Variants in ALG14 observed in about 807,000 individuals in gnomAD.
The protein encoded by ALG14 is UDP-N-acetylglucosamine transferase subunit ALG14.
A neutral mutation model predicts 22.8 loss-of-function variants in ALG14; 17 were observed. The observed-to-expected ratio is 0.75, with a 90% CI of 0.51 to 1.12. The LOEUF (loss-of-function observed/expected upper bound fraction) is 1.12. ALG14 is among the 50% of genes most tolerant of loss of function. The pLI, the probability that ALG14 is intolerant of heterozygous loss-of-function variation, is 0.00. For synonymous variants in ALG14, 89 were observed against 103.7 expected (o/e 0.86, Z 0.86); for missense variants, 288 against 271.8 (o/e 1.06, Z -0.42).
intron 2 of ALG14, among the ~76,000 whole-genome samples, chr1:95,054,829 G>A (rs1674876261): frequency 6.6e-6 from 1 of 152,158 alleles, no homozygotes; most frequent in African/African-American, 2.4e-5. Flanking sequence ...TGAGAGTACT[G>A]TAACCTTGAT....
In ALG14 at chr1:95,065,114, G is replaced by A. The variant is rs72720257; in HGVS notation, c.137-97C>T. ...AATATCATGGTTTCAGGTTGGGGGT[G>A]GGGGGGCACTGTAATTGTATATTTC... On this transcript the variant is annotated intron_variant, in intron 1 of 3. Transcript: ENST00000370205. 0.036 allele frequency: 37,618 copies of A among 1,051,372 alleles called. 918 individuals are homozygous for A. Among genetic ancestry groups the A allele is most frequent in the Middle Eastern group, 0.08 (376 of 4,690 alleles). 65.1% of individuals were successfully genotyped at this position (1,051,372 alleles called of 1,614,324 possible).
intron 3 of ALG14, among the ~76,000 whole-genome samples, chr1:94,984,315 G>C (rs4847374): frequency 0.045 from 6,776 of 152,212 alleles, 194 homozygotes; most frequent in Middle Eastern, 0.088. Flanking sequence ...GAGAATCTTA[G>C]AGTTGGAAAG....
chr1:95,065,356 A>T (rs1355226892), intron 1 of ALG14, among the ~76,000 whole-genome samples: 1 of 152,224 alleles, frequency 6.6e-6, no homozygotes, highest in African/African-American at 2.4e-5. Flanking sequence ...AAGATGCAAG[A>T]CAGTAAGAAA....
chr1:95,048,768 T>C (rs1229120143), intron 2 of ALG14, among the ~76,000 whole-genome samples: 1 of 152,148 alleles, frequency 6.6e-6, no homozygotes, highest in Non-Finnish European at 1.5e-5. Flanking sequence ...TTTTTTTTCA[T>C]ATAAGTAATT....
chr1:95,049,338 G>C (rs1192161694), intron 2 of ALG14, among the ~76,000 whole-genome samples: 1 of 152,126 alleles, frequency 6.6e-6, no homozygotes. Flanking sequence ...TTCGCGACCA[G>C]TCTGGGCCAC....
intron 2 of ALG14, among the ~76,000 whole-genome samples, chr1:95,032,702 T>C (rs903707739): frequency 6.6e-6 from 1 of 152,136 alleles, no homozygotes; most frequent in East Asian, 1.9e-4. Context: ...TTTTCTATGA[T>C]ACCTGCTATG....
chr1:95,057,278 T>C (rs1158688276), intron 2 of ALG14, among the ~76,000 whole-genome samples: 2 of 151,840 alleles, frequency 1.3e-5, no homozygotes, highest in Non-Finnish European at 2.9e-5. Flanking sequence ...TCCAGATCTA[T>C]GGGTTCTGCA....
At chr1:94,988,492 A>G (rs1051579425) in intron 3 of ALG14, among the ~76,000 whole-genome samples, 12 of 152,216 alleles carry the variant, frequency 7.9e-5, no homozygotes, top group African/African-American at 2.7e-4. Context: ...TCAGTGAGTC[A>G]TTGGACCAAA....
chr1:95,055,713 C>T (rs1282878321), intron 2 of ALG14, among the ~76,000 whole-genome samples: 1 of 151,306 alleles, frequency 6.6e-6, no homozygotes, highest in African/African-American at 2.4e-5. Flanking sequence ...AACACCTCGG[C>T]CGGGTGTGGT....
At chr1:95,056,691 TA>T (rs1192906947) in intron 2 of ALG14, among the ~76,000 whole-genome samples, 1 of 151,900 alleles carries the variant, frequency 6.6e-6, no homozygotes, top group Admixed American at 6.6e-5. Context: ...AACACTTGAG[TA>T]TAACTCTATG....
chr1:95,047,810 T>A (rs933409321), intron 2 of ALG14, among the ~76,000 whole-genome samples: 25 of 151,900 alleles, frequency 1.6e-4, no homozygotes, highest in African/African-American at 6.0e-4. Flanking sequence ...CAAGACCCCA[T>A]CTCTACAAAA....
chr1:94,998,224 C>T (rs1240762593), intron 3 of ALG14, among the ~76,000 whole-genome samples: 3 of 152,174 alleles, frequency 2.0e-5, no homozygotes, highest in Admixed American at 6.5e-5. Context: ...CTGAGTCTGA[C>T]GGAGCGTTTC....
chr1:95,033,420 TACACACACAC>T (rs374040999), intron 2 of ALG14, among the ~76,000 whole-genome samples: 8 of 139,668 alleles, frequency 5.7e-5, no homozygotes, highest in Admixed American at 2.2e-4. Context: ...TATATATATA[TACACACACAC>T]ACACACACAC....
chr1:95,050,851 A>G (rs1674720760), intron 2 of ALG14, among the ~76,000 whole-genome samples: 1 of 149,988 alleles, frequency 6.7e-6, no homozygotes, highest in South Asian at 2.1e-4. Flanking sequence ...CTATCAATCA[A>G]TCCCTGGGTA....
At chr1:95,062,515 G>A (rs1189157705) in intron 2 of ALG14, among the ~76,000 whole-genome samples, 4 of 151,640 alleles carry the variant, frequency 2.6e-5, no homozygotes, top group African/African-American at 4.8e-5. Context: ...TATTCTCATT[G>A]TTCAGCTCCT....
At chr1:95,059,464 G>T (rs1675061017) in intron 2 of ALG14, among the ~76,000 whole-genome samples, 1 of 148,320 alleles carries the variant, frequency 6.7e-6, no homozygotes, top group Non-Finnish European at 1.5e-5. Flanking sequence ...GAATTTCAAT[G>T]ATAATATGAA....
Position 94,983,006 on chromosome 1 carries a change from T to A in ALG14, c.*70A>T. On this transcript the variant is annotated 3_prime_UTR_variant, in exon 4 of 4. Transcript: ENST00000370205. Reference sequence around the variant, plus strand: ...ACGCCTTTACAAGAAACATGTAGGGTTTTTTTCCCCCCAATTTGAGTACAT... The same window carrying A: ...ACGCCTTTACAAGAAACATGTAGGGATTTTTTCCCCCCAATTTGAGTACAT... 2 of 1,335,440 alleles carry A rather than the reference T, an allele frequency of 1.5e-6. No homozygotes were observed. Among genetic ancestry groups the A allele is most frequent in the African/African-American group, 1.5e-5 (1 of 68,540 alleles). The allele number at this position is 1,335,440 out of a possible 1,614,324, so 82.7% of individuals were successfully genotyped here. A position where few individuals can be genotyped will look rare whatever the true frequency, so the allele number is the denominator to read the frequency against.
chr1:94,993,599 G>A (rs1177427166), intron 3 of ALG14, among the ~76,000 whole-genome samples: 1 of 152,078 alleles, frequency 6.6e-6, no homozygotes, highest in African/African-American at 2.4e-5. Flanking sequence ...CAGTGACCCT[G>A]TAGTATACTT....
At chr1:94,990,666 C>A (rs1289174127) in intron 3 of ALG14, among the ~76,000 whole-genome samples, 1 of 152,208 alleles carries the variant, frequency 6.6e-6, no homozygotes, top group African/African-American at 2.4e-5. Flanking sequence ...TTTCTCTTTA[C>A]CCAGAATAGC....
Sources: gnomAD v4.1 joint callset for allele counts (sites outside exome capture counted in the v4.1 genomes callset) on GRCh38, gnomAD v4.1.1 for gene constraint, MANE v1.5 for transcripts, NCBI Gene and HGNC (gene_info 2026-07-23, HGNC 2026-07-21) for gene names.